The following PACRG variants were observed in gnomAD, a reference collection of about 807,000 sequenced individuals.
PACRG encodes parkin coregulated.
PACRG carries 29 observed loss-of-function variants against 29.7 expected under a neutral mutation model. The ratio of observed to expected loss-of-function variants is 0.98; its 90% CI spans 0.73 to 1.33. The LOEUF (loss-of-function observed/expected upper bound fraction) is 1.33. Among genes scored for constraint, PACRG ranks in the 40% most tolerant of loss-of-function variants. The pLI is 0.00. For missense variants in PACRG, 279 were observed against 316.2 expected (o/e 0.88, Z 0.89); for synonymous variants, 116 against 118.7 (o/e 0.98, Z 0.15).
intron 3 of PACRG, among the ~76,000 whole-genome samples, chr6:163,065,189 C>T (rs1346965673): frequency 6.6e-6 from 1 of 152,068 alleles, no homozygotes; most frequent in African/African-American, 2.4e-5. Flanking sequence ...TTCTGATTTC[C>T]ATCTTGAGTT....
chr6:163,191,405 C>T (rs1336117386), intron 4 of PACRG, among the ~76,000 whole-genome samples: 1 of 152,094 alleles, frequency 6.6e-6, no homozygotes, highest in East Asian at 1.9e-4. Context: ...ACCTTTATGG[C>T]GAGTGGCCCC....
intron 4 of PACRG, among the ~76,000 whole-genome samples, chr6:163,203,642 C>T (rs1386545998): frequency 1.3e-5 from 2 of 152,176 alleles, no homozygotes; most frequent in Admixed American, 6.5e-5. Flanking sequence ...ATAATCCGCT[C>T]TTTCTGAATC....
intron 2 of PACRG, among the ~76,000 whole-genome samples, chr6:162,854,979 T>C (rs1171169949): frequency 6.6e-6 from 1 of 152,252 alleles, no homozygotes; most frequent in Non-Finnish European, 1.5e-5. Flanking sequence ...TGCAGCAGCA[T>C]CGCTTCTACG....
chr6:163,115,694 A>G (rs1050504776), intron 4 of PACRG, among the ~76,000 whole-genome samples: 1 of 152,124 alleles, frequency 6.6e-6, no homozygotes, highest in African/African-American at 2.4e-5. Context: ...ATCTACTGTA[A>G]TTTATTCAAA....
intron 2 of PACRG, among the ~76,000 whole-genome samples, chr6:162,841,474 A>T (rs1789757943): frequency 2.6e-5 from 4 of 151,568 alleles, no homozygotes; most frequent in African/African-American, 9.7e-5. Flanking sequence ...CATCTATTAG[A>T]TTTTTCTCTC....
chr6:162,883,762 A>G (rs1256859841), intron 2 of PACRG, among the ~76,000 whole-genome samples: 3 of 151,648 alleles, frequency 2.0e-5, no homozygotes, highest in African/African-American at 7.3e-5. Flanking sequence ...CTCTTGAACA[A>G]TGCAGGGGTT....
In PACRG at chr6:163,214,025, G is replaced by A. The variant is rs149131754; in HGVS notation, c.614-100802G>A. ...TTTATTTTGATCTACTTTTGGACTC[G>A]ATTCTGTTCTTAACTATTTCTTCTC... On this transcript the variant is annotated intron_variant, in intron 4 of 4. Transcript: ENST00000366888. Among the ~76,000 whole-genome samples, 238 of 152,068 alleles carry A rather than the reference G, an allele frequency of 1.6e-3. 1 individual carries two copies. The highest frequency in any genetic ancestry group is 5.2e-3 in the African/African-American group (215 of 41,488).
chr6:163,012,283 A>G (rs527276191), intron 2 of PACRG, among the ~76,000 whole-genome samples: 1 of 152,232 alleles, frequency 6.6e-6, no homozygotes, highest in Non-Finnish European at 1.5e-5. Flanking sequence ...GACATTTCAC[A>G]TTCATTCAGG....
chr6:162,761,604 G>A (rs1782362414), intron 1 of PACRG, among the ~76,000 whole-genome samples: 1 of 152,142 alleles, frequency 6.6e-6, no homozygotes, highest in Admixed American at 6.5e-5. Context: ...CAAGGGTTAA[G>A]TGACTTGCTG....
intron 2 of PACRG, among the ~76,000 whole-genome samples, chr6:162,958,917 A>G (rs1482708317): frequency 7.1e-6 from 1 of 140,060 alleles, no homozygotes; most frequent in Non-Finnish European, 1.5e-5. Context: ...AGAGAGAGAG[A>G]GAGAGAGAGA....
chr6:162,848,820 T>C (rs1266817805), intron 2 of PACRG, among the ~76,000 whole-genome samples: 1 of 152,254 alleles, frequency 6.6e-6, no homozygotes, highest in Non-Finnish European at 1.5e-5. Flanking sequence ...GAAATGCAGA[T>C]ACTTCATACA....
chr6:163,063,431 A>C (rs1811259965), intron 3 of PACRG, among the ~76,000 whole-genome samples: 1 of 152,180 alleles, frequency 6.6e-6, no homozygotes, highest in Admixed American at 6.5e-5. Context: ...CCCCACCCTC[A>C]CTGGCTCAGG....
At chr6:162,934,198 G>A (rs1798072296) in intron 2 of PACRG, among the ~76,000 whole-genome samples, 1 of 151,944 alleles carries the variant, frequency 6.6e-6, no homozygotes, top group African/African-American at 2.4e-5. Context: ...GGGAGGCGGA[G>A]GTTGCAGTGA....
At chr6:162,947,275 C>A (rs1799090832) in intron 2 of PACRG, among the ~76,000 whole-genome samples, 1 of 99,644 alleles carries the variant, frequency 1.0e-5, no homozygotes, top group African/African-American at 3.9e-5. Context: ...TATATATAAC[C>A]ATATATAATC....
chr6:162,867,823 C>T (rs1792428941), intron 2 of PACRG, among the ~76,000 whole-genome samples: 2 of 152,126 alleles, frequency 1.3e-5, no homozygotes, highest in South Asian at 2.1e-4. Flanking sequence ...CTAAGGAGCC[C>T]TCGTCCTAGA....
intron 2 of PACRG, among the ~76,000 whole-genome samples, chr6:162,867,416 T>C (rs1470255173): frequency 6.6e-6 from 1 of 152,142 alleles, no homozygotes; most frequent in Non-Finnish European, 1.5e-5. Context: ...TGGACATCAC[T>C]GTGGGAAACA....
At position 163,269,865 on chromosome 6, in the gene PACRG, AAGAG is replaced by A. The variant is rs375505857; in HGVS notation, c.614-44960_614-44957del. ...AGAAAGAAAGAAAGAAAGAGAAAGA[AAGAG>A]AAAGAAAGAAAGAAAGAAAGAAAAC... On this transcript the variant is annotated intron_variant, in intron 4 of 4. Transcript: ENST00000366888. Among the ~76,000 whole-genome samples, 4 of 61,136 alleles carry A rather than the reference AAGAG, an allele frequency of 6.5e-5. 1 individual carries two copies. The highest frequency in any genetic ancestry group is 3.7e-4 in the African/African-American group (4 of 10,880). 40.1% of individuals were successfully genotyped at this position (61,136 alleles called of 152,430 possible). A position where few individuals can be genotyped will look rare whatever the true frequency, so the allele number is the denominator to read the frequency against.
intron 4 of PACRG, among the ~76,000 whole-genome samples, chr6:163,097,185 A>G (rs939172252): frequency 1.3e-5 from 2 of 152,146 alleles, no homozygotes; most frequent in African/African-American, 4.8e-5. Context: ...TGGCCCTTAT[A>G]TTTGTGGTTT....
At chr6:162,806,338 C>T (rs941227543) in intron 1 of PACRG, among the ~76,000 whole-genome samples, 4 of 151,690 alleles carry the variant, frequency 2.6e-5, no homozygotes, top group Admixed American at 6.6e-5. Flanking sequence ...GAACTCCTGA[C>T]CTCAGGTGAT....
Sources: gnomAD v4.1 joint callset for allele counts (sites outside exome capture counted in the v4.1 genomes callset) on GRCh38, gnomAD v4.1.1 for gene constraint, MANE v1.5 for transcripts, NCBI Gene and HGNC (gene_info 2026-07-23, HGNC 2026-07-21) for gene names.